HMCES: variants seen among roughly 807,000 people sequenced by gnomAD.
HMCES encodes abasic site processing protein HMCES.
HMCES carries 27 observed loss-of-function variants against 35.1 expected under a neutral mutation model. The ratio of observed to expected loss-of-function variants is 0.77; its 90% CI spans 0.57 to 1.06. HMCES has a LOEUF of 1.06. Among genes scored for constraint, HMCES ranks in the 50% least tolerant of loss-of-function variants. The pLI is 0.00. For synonymous variants in HMCES, 130 were observed against 154.7 expected, an observed-to-expected ratio of 0.84 and a Z score of 1.18; for missense variants, 391 against 430.4, an observed-to-expected ratio of 0.91 and a Z score of 0.81.
intron 3 of HMCES, among the ~76,000 whole-genome samples, chr3:129,289,763 G>A (rs1940746756): frequency 6.6e-6 from 1 of 152,096 alleles, no homozygotes; most frequent in African/African-American, 2.4e-5. Flanking sequence ...TGGGAAGCAT[G>A]CTTCATTGGG....
chr3:129,281,845 A>C (rs2107684529), intron 2 of HMCES, among the ~76,000 whole-genome samples: 1 of 146,338 alleles, frequency 6.8e-6, no homozygotes, highest in Non-Finnish European at 1.5e-5. Flanking sequence ...CTGTACTATA[A>C]AAAAAAAAAA....
intron 2 of HMCES, among the ~76,000 whole-genome samples, chr3:129,285,517 ACT>A (rs766335911): frequency 5.3e-5 from 8 of 151,790 alleles, no homozygotes; most frequent in Non-Finnish European, 1.2e-4. Context: ...AGTGGCACAA[ACT>A]CGGCTCACTG....
intron 2 of HMCES, among the ~76,000 whole-genome samples, chr3:129,280,961 C>T (rs111368236): frequency 0.12 from 18,790 of 152,226 alleles, 1,309 homozygotes; most frequent in Middle Eastern, 0.23. Context: ...CGGTGGCCCA[C>T]GCCTGTAATC....
chr3:129,285,963 G>A (rs1940629085), intron 2 of HMCES, among the ~76,000 whole-genome samples: 1 of 151,514 alleles, frequency 6.6e-6, no homozygotes, highest in African/African-American at 2.4e-5. Context: ...CTCCTGACCT[G>A]AGGTGATCCG....
At chr3:129,291,798 G>A (rs1356863474) in intron 4 of HMCES, among the ~76,000 whole-genome samples, 24 of 152,070 alleles carry the variant, frequency 1.6e-4, no homozygotes, top group Admixed American at 1.4e-3. Flanking sequence ...GTGGCTGGGC[G>A]CAGTGGTTCA....
chr3:129,301,427 G>C (rs2071167939), intron 5 of HMCES, among the ~76,000 whole-genome samples: 1 of 134,598 alleles, frequency 7.4e-6, no homozygotes, highest in Non-Finnish European at 1.5e-5. Context: ...CAAAAAGTGT[G>C]TGCCACACTG....
chr3:129,304,496 A>T, intron 6 of HMCES, 93 bp from the exon 7 acceptor site: 1 of 1,044,138 alleles, frequency 9.6e-7, no homozygotes, highest in Non-Finnish European at 1.5e-6. Flanking sequence ...CTGGGTAAGT[A>T]CCTAATGCCT....
In HMCES at chr3:129,289,004, G is replaced by A. The variant is rs1940723131; in HGVS notation, c.327+7G>A. 1.3e-6 allele frequency: 2 copies of A among 1,548,296 alleles called. No individual in the cohort carries two copies. Among genetic ancestry groups the A allele is most frequent in the African/African-American group, 2.7e-5 (2 of 74,044 alleles). Reference sequence around the variant, plus strand: ...GGAGAAACGGTCATTTAAGGTAGGTGGCTGGTAGCTATTAGTGCCCCGTAT... The same window carrying A: ...GGAGAAACGGTCATTTAAGGTAGGTAGCTGGTAGCTATTAGTGCCCCGTAT... On this transcript the variant is annotated splice_region_variant and intron_variant, in intron 3 of 6. Coordinates refer to ENST00000383463, the MANE Select transcript of HMCES (RefSeq NM_020187.3).
rs1438347680 is a variant in HMCES, at chr3:129,278,881, A to T, written c.-48A>T. On this transcript the variant is annotated 5_prime_UTR_variant, in exon 1 of 7. Coordinates refer to ENST00000383463, the MANE Select transcript of HMCES (RefSeq NM_020187.3). ...GAGCGGGGGTGAGGAGAGTCGAGGG[A>T]GGTGACGCGCGCTGCCGGGGCGAGG... is the stretch of plus-strand genomic sequence containing the variant. 8.0e-6 allele frequency: 1 copy of T among 125,746 alleles called. No individual in the cohort carries two copies. Among genetic ancestry groups the T allele is most frequent in the Non-Finnish European group, 1.6e-5 (1 of 61,026 alleles). 7.8% of individuals were successfully genotyped at this position (125,746 alleles called of 1,614,324 possible).
intron 4 of HMCES, among the ~76,000 whole-genome samples, chr3:129,291,888 C>G (rs1444867234): frequency 3.3e-5 from 5 of 152,100 alleles, no homozygotes; most frequent in Non-Finnish European, 7.4e-5. Context: ...CTCAGGAGTT[C>G]AAGACCAATC....
At chr3:129,290,995 G>T (rs905745306) in intron 4 of HMCES, among the ~76,000 whole-genome samples, 191 bp downstream of exon 4, 1 of 152,084 alleles carries the variant, frequency 6.6e-6, no homozygotes, top group Non-Finnish European at 1.5e-5. Context: ...TTGAGCCTAG[G>T]AGTTTGAGAC....
At chr3:129,304,448 G>T in intron 6 of HMCES, 141 bp from the exon 7 acceptor site, 1 of 709,596 alleles carries the variant, frequency 1.4e-6, no homozygotes, top group Non-Finnish European at 2.5e-6. Flanking sequence ...ACTCTTGACT[G>T]GTGGGCCCCA....
chr3:129,297,767 TG>T (rs1404319065), intron 4 of HMCES, among the ~76,000 whole-genome samples: 2 of 152,210 alleles, frequency 1.3e-5, no homozygotes, highest in East Asian at 3.8e-4. Context: ...TGGAGGACCT[TG>T]TCTTTTCTTA....
chr3:129,301,866 G>A, intron 5 of HMCES, 84 bp from the exon 6 acceptor site: 4 of 1,078,886 alleles, frequency 3.7e-6, no homozygotes, highest in South Asian at 3.0e-5. Context: ...GATATTTGAG[G>A]TATCAGCTGA....
intron 2 of HMCES, among the ~76,000 whole-genome samples, chr3:129,280,865 G>A (rs62266889): frequency 0.047 from 7,131 of 152,222 alleles, 255 homozygotes; most frequent in Middle Eastern, 0.11. Flanking sequence ...AAAATGCTTC[G>A]TTCTAGAAAG....
At chr3:129,302,944 G>A (rs1416748588) in intron 6 of HMCES, among the ~76,000 whole-genome samples, 1 of 152,054 alleles carries the variant, frequency 6.6e-6, no homozygotes, top group Non-Finnish European at 1.5e-5. Flanking sequence ...AGACAAAGGA[G>A]CCCTTGACCA....
At chr3:129,294,388 G>A (rs1023476096) in intron 4 of HMCES, among the ~76,000 whole-genome samples, 4 of 152,180 alleles carry the variant, frequency 2.6e-5, no homozygotes, top group Non-Finnish European at 4.4e-5. Context: ...GCGCCACTGT[G>A]CTCCAGCCTG....
intron 4 of HMCES, among the ~76,000 whole-genome samples, chr3:129,298,093 A>G (rs2071115412): frequency 6.6e-6 from 1 of 152,240 alleles, no homozygotes; most frequent in Non-Finnish European, 1.5e-5. Context: ...AGTAATAGCT[A>G]GAATGGTGGG....
At chr3:129,297,273 C>T (rs984230538) in intron 4 of HMCES, among the ~76,000 whole-genome samples, 1 of 151,980 alleles carries the variant, frequency 6.6e-6, no homozygotes, top group East Asian at 1.9e-4. Flanking sequence ...GGCAGTTCTC[C>T]GTTCAGTCTA....
Sources: gnomAD v4.1 joint callset for allele counts (sites outside exome capture counted in the v4.1 genomes callset) on GRCh38, gnomAD v4.1.1 for gene constraint, MANE v1.5 for transcripts, NCBI Gene and HGNC (gene_info 2026-07-23, HGNC 2026-07-21) for gene names.